The following SLC4A4 variants were observed in gnomAD, a reference collection of about 807,000 sequenced individuals.
The protein encoded by SLC4A4 is solute carrier family 4 member 4, also known as electrogenic sodium bicarbonate cotransporter 1.
A neutral mutation model predicts 111.5 loss-of-function variants in SLC4A4; 27 were observed. The observed-to-expected ratio is 0.24, with a 90% confidence interval of 0.18 to 0.33. The LOEUF is 0.33. Among genes scored for constraint, SLC4A4 ranks in the 10% least tolerant of loss-of-function variants. The probability of loss-of-function intolerance (pLI) is 1.00; values close to 1 mark genes in which losing one functional copy is unlikely to be tolerated. For missense variants in SLC4A4, 909 were observed against 1,315.5 expected, an observed-to-expected ratio of 0.69 and a Z score of 4.78; for synonymous variants, 443 against 463.4, an observed-to-expected ratio of 0.96 and a Z score of 0.57.
At chr4:71,209,489 G>C (rs893084936) in intron 1 of SLC4A4, among the ~76,000 whole-genome samples, 1 of 152,186 alleles carries the variant, frequency 6.6e-6, no homozygotes, top group Non-Finnish European at 1.5e-5. Flanking sequence ...ACAACACTTA[G>C]ATCACATTGT....
rs1553970759 is a variant in SLC4A4, at chr4:71,268,085, T to TTG, written c.253+12687_253+12688insGT. On this transcript the variant is annotated intron_variant, in intron 3 of 25. Coordinates refer to ENST00000264485, the MANE Select transcript of SLC4A4 (RefSeq NM_001098484.3). ...GCCAAATAAAGTAGTGTTTTTTTTT[T>TTG]TTTTTTTTTTTTGCCACTAGTGAAT... is the stretch of plus-strand genomic sequence containing the variant. Among the ~76,000 whole-genome samples the TTG allele has an allele frequency of 7.5e-5, 11 of 147,352 alleles. No individual in the cohort carries two copies. In the East Asian group the frequency reaches 9.9e-4, roughly 13 times the overall value.
intron 8 of SLC4A4, among the ~76,000 whole-genome samples, chr4:71,442,423 T>A (rs182649171): frequency 6.6e-6 from 1 of 152,344 alleles, no homozygotes; most frequent in African/African-American, 2.4e-5. Flanking sequence ...TATCCTTGCA[T>A]GTTAACATTT....
intron 7 of SLC4A4, among the ~76,000 whole-genome samples, chr4:71,405,147 A>G (rs1230458324): frequency 6.6e-6 from 1 of 152,084 alleles, no homozygotes; most frequent in South Asian, 2.1e-4. Flanking sequence ...CTATAGTAAC[A>G]TGTTATTATC....
At chr4:71,179,198 T>A (rs1488495590) in intron 2 of SLC4A4, among the ~76,000 whole-genome samples, 1 of 152,228 alleles carries the variant, frequency 6.6e-6, no homozygotes, top group East Asian at 1.9e-4. Context: ...ATTGATGGGA[T>A]GTATCTCAAA....
chr4:71,211,170 G>T (rs1718109848), intron 1 of SLC4A4, among the ~76,000 whole-genome samples: 2 of 152,182 alleles, frequency 1.3e-5, no homozygotes, highest in Non-Finnish European at 2.9e-5. Flanking sequence ...TCACAAAACA[G>T]TTTATCTTTT....
intron 13 of SLC4A4, among the ~76,000 whole-genome samples, chr4:71,471,866 G>A (rs778435995): frequency 2.0e-5 from 3 of 151,924 alleles, no homozygotes; most frequent in Non-Finnish European, 2.9e-5. Context: ...ACAGAAAGAT[G>A]TTGGTCGCAA....
At chr4:71,544,970 T>C (rs1735389579) in intron 18 of SLC4A4, among the ~76,000 whole-genome samples, 1 of 152,038 alleles carries the variant, frequency 6.6e-6, no homozygotes, top group South Asian at 2.1e-4. Context: ...ATCTCAGATA[T>C]ATCATGGTAT....
chr4:71,330,651 T>C (rs1207622612), intron 3 of SLC4A4, among the ~76,000 whole-genome samples: 2 of 152,156 alleles, frequency 1.3e-5, no homozygotes. Flanking sequence ...ACCTAGGCAA[T>C]ACCATTCAGG....
intron 16 of SLC4A4, among the ~76,000 whole-genome samples, chr4:71,499,634 T>C: frequency 6.6e-6 from 1 of 152,198 alleles, no homozygotes; most frequent in East Asian, 1.9e-4. Flanking sequence ...TATATGAGTT[T>C]GACATTTTAG....
chr4:71,070,735 G>T (rs1470493769), intron 1 of SLC4A4, among the ~76,000 whole-genome samples: 1 of 152,146 alleles, frequency 6.6e-6, no homozygotes, highest in African/African-American at 2.4e-5. Flanking sequence ...AAGCACAAAA[G>T]AAATCGAGGA....
intron 3 of SLC4A4, among the ~76,000 whole-genome samples, chr4:71,283,960 A>T (rs1359947462): frequency 6.6e-6 from 1 of 152,226 alleles, no homozygotes; most frequent in African/African-American, 2.4e-5. Context: ...TTTTCTCAGC[A>T]GTCAGCTTTC....
chr4:71,311,978 C>A (rs189267903), intron 3 of SLC4A4, among the ~76,000 whole-genome samples: 2 of 146,420 alleles, frequency 1.4e-5, no homozygotes, highest in South Asian at 2.2e-4. Context: ...TCAATGATTG[C>A]GGGAGCTGGT....
At chr4:71,337,797 A>T (rs949110438) in intron 3 of SLC4A4, among the ~76,000 whole-genome samples, 8 of 148,862 alleles carry the variant, frequency 5.4e-5, no homozygotes, top group Admixed American at 4.7e-4. Flanking sequence ...TGGGATTATC[A>T]TTTTTTTTTT....
At position 71,547,740 on chromosome 4, in the gene SLC4A4, A is replaced by T. The variant is rs768479715; in HGVS notation, c.2694+20A>T. 6.3e-7 allele frequency: 1 copy of T among 1,584,958 alleles called. No homozygotes were observed. The highest frequency in any genetic ancestry group is 1.1e-5 in the South Asian group (1 of 90,518). ...TTGAAGGTAAATATGTGAAACATTC[A>T]CCTCTTCCTTCTCAGAACACTGACA... On this transcript the variant is annotated intron_variant, in intron 20 of 25. Transcript: ENST00000264485.
At chr4:71,518,693 G>T (rs1214672820) in intron 16 of SLC4A4, among the ~76,000 whole-genome samples, 1 of 152,100 alleles carries the variant, frequency 6.6e-6, no homozygotes, top group Non-Finnish European at 1.5e-5. Context: ...TATACCTGGG[G>T]TTACCCTGGA....
At chr4:71,516,080 CTTTTTTTTTTTTTTTTTTT>C (rs60338885) in intron 16 of SLC4A4, among the ~76,000 whole-genome samples, 1 of 30,610 alleles carries the variant, frequency 3.3e-5, no homozygotes, top group South Asian at 1.8e-3. Flanking sequence ...TGGGGGATTT[CTTTTTTTTTTTTTTTTTTT>C]TTTTTTTTTT....
At chr4:71,356,723 T>G (rs1212239665) in intron 5 of SLC4A4, among the ~76,000 whole-genome samples, 2 of 152,208 alleles carry the variant, frequency 1.3e-5, no homozygotes, top group East Asian at 3.8e-4. Context: ...TTGAAAAATA[T>G]AAATTACTGA....
chr4:71,453,143 A>G (rs2149079527), intron 11 of SLC4A4, among the ~76,000 whole-genome samples: 1 of 152,290 alleles, frequency 6.6e-6, no homozygotes, highest in South Asian at 2.1e-4. Context: ...GAGGGTGGAA[A>G]GGGTACTATG....
At chr4:71,262,997 A>T (rs779250182) in intron 3 of SLC4A4, among the ~76,000 whole-genome samples, 2 of 149,188 alleles carry the variant, frequency 1.3e-5, no homozygotes, top group Non-Finnish European at 3.0e-5. Flanking sequence ...ATATCTCCTA[A>T]TGCTATCCCT....
Sources: gnomAD v4.1 joint callset for allele counts (sites outside exome capture counted in the v4.1 genomes callset) on GRCh38, gnomAD v4.1.1 for gene constraint, MANE v1.5 for transcripts, NCBI Gene and HGNC (gene_info 2026-07-23, HGNC 2026-07-21) for gene names.